The following RBFOX1 variants were observed in gnomAD, a reference collection of about 807,000 sequenced individuals.
RBFOX1 encodes RNA binding protein fox-1 homolog 1.
A neutral mutation model predicts 57.7 loss-of-function variants in RBFOX1; 8 were observed. The observed-to-expected ratio is 0.14, with a 90% confidence interval of 0.08 to 0.25. The LOEUF is 0.25. RBFOX1 is among the 10% of genes least tolerant of loss of function. The pLI, the probability that RBFOX1 is intolerant of heterozygous loss-of-function variation, is 1.00. For missense variants in RBFOX1, 611 were observed against 548.5 expected (o/e 1.11, Z -1.14); for synonymous variants, 326 against 222.4 (o/e 1.47, Z -4.15).
intron 3 of RBFOX1, among the ~76,000 whole-genome samples, chr16:6,906,248 C>CA (rs1555608863): frequency 6.6e-6 from 1 of 151,806 alleles, no homozygotes; most frequent in Admixed American, 6.6e-5. Context: ...TACCCCCCCC[C>CA]AAAATATACA....
intron 1 of RBFOX1, among the ~76,000 whole-genome samples, chr16:5,395,159 C>T (rs2066515566): frequency 6.6e-6 from 1 of 152,212 alleles, no homozygotes; most frequent in African/African-American, 2.4e-5. Context: ...GGCATGCCAG[C>T]ATCCCAGAGC....
chr16:5,781,705 C>T (rs968403563), intron 3 of RBFOX1, among the ~76,000 whole-genome samples: 4 of 152,298 alleles, frequency 2.6e-5, no homozygotes, highest in Non-Finnish European at 5.9e-5. Flanking sequence ...CTAGAATTGC[C>T]CTGTGGGCTA....
At chr16:5,614,683 C>G (rs979607810) in intron 3 of RBFOX1, among the ~76,000 whole-genome samples, 7 of 152,086 alleles carry the variant, frequency 4.6e-5, no homozygotes, top group Non-Finnish European at 8.8e-5. Flanking sequence ...CCACCCCTAC[C>G]CCCTGTACAT....
intron 4 of RBFOX1, among the ~76,000 whole-genome samples, chr16:7,247,717 C>G (rs536745785): frequency 1.3e-5 from 2 of 152,200 alleles, no homozygotes; most frequent in African/African-American, 2.4e-5. Context: ...AACATAGCCT[C>G]TTTAAATCCA....
chr16:7,709,171 T>TCC (rs752080903), intron 15 of RBFOX1, 40 bp downstream of exon 15: 4 of 1,542,754 alleles, frequency 2.6e-6, no homozygotes, highest in Admixed American at 1.7e-5. Flanking sequence ...TCCTCCTGCC[T>TCC]CCCTTCCCTT....
chr16:7,434,046 G>C (rs961321205), intron 4 of RBFOX1, among the ~76,000 whole-genome samples: 1 of 152,142 alleles, frequency 6.6e-6, no homozygotes, highest in African/African-American at 2.4e-5. Context: ...AAGCCTGAAT[G>C]ATCAGAAAGA....
At chr16:7,025,439 A>T (rs1056286854) in intron 3 of RBFOX1, among the ~76,000 whole-genome samples, 14 of 152,046 alleles carry the variant, frequency 9.2e-5, no homozygotes, top group African/African-American at 3.4e-4. Context: ...TTATCGTATG[A>T]CTTAGAATGC....
At chr16:7,419,925 CT>C (rs367626244) in intron 4 of RBFOX1, among the ~76,000 whole-genome samples, 1,947 of 101,728 alleles carry the variant, frequency 0.019, 15 homozygotes, top group Middle Eastern at 0.033. Flanking sequence ...TTCTTTCTTC[CT>C]TTTTTTTTTT....
At chr16:6,881,213 C>G (rs185857077) in intron 3 of RBFOX1, among the ~76,000 whole-genome samples, 113 of 152,278 alleles carry the variant, frequency 7.4e-4, no homozygotes, top group Non-Finnish European at 1.2e-3. Context: ...GGAGAATAGC[C>G]AGGAGTCTGA....
At chr16:6,877,530 A>G (rs1399382856) in intron 3 of RBFOX1, among the ~76,000 whole-genome samples, 1 of 152,200 alleles carries the variant, frequency 6.6e-6, no homozygotes, top group African/African-American at 2.4e-5. Flanking sequence ...ATCGACTCTC[A>G]GTGCTTGGAA....
At chr16:5,312,597 G>A (rs779936514) in intron 1 of RBFOX1, among the ~76,000 whole-genome samples, 1 of 152,200 alleles carries the variant, frequency 6.6e-6, no homozygotes, top group Non-Finnish European at 1.5e-5. Context: ...TTACAGGTGT[G>A]AGCCACCATG....
intron 3 of RBFOX1, among the ~76,000 whole-genome samples, chr16:6,857,037 T>C (rs144427639): frequency 6.6e-6 from 1 of 152,236 alleles, no homozygotes; most frequent in Admixed American, 6.5e-5. Context: ...TTACTGCAAA[T>C]CGTGTTCAAC....
At chr16:7,102,903 T>C (rs567148568) in intron 4 of RBFOX1, among the ~76,000 whole-genome samples, 5 of 152,104 alleles carry the variant, frequency 3.3e-5, no homozygotes, top group African/African-American at 1.2e-4. Flanking sequence ...TACAAGTATA[T>C]TGTGAGTATT....
At chr16:6,210,327 A>C (rs1474052433) in intron 1 of RBFOX1, among the ~76,000 whole-genome samples, 4 of 117,496 alleles carry the variant, frequency 3.4e-5, no homozygotes, top group Non-Finnish European at 3.6e-5. Flanking sequence ...GAAAAAAAAA[A>C]ACAAAAAAAC....
At chr16:5,899,812 A>C (rs2058263217) in intron 4 of RBFOX1, among the ~76,000 whole-genome samples, 1 of 152,160 alleles carries the variant, frequency 6.6e-6, no homozygotes. Context: ...GGTGGCTTAC[A>C]CCTGCAATCG....
At chr16:5,921,503 C>G (rs1348998698) in intron 4 of RBFOX1, among the ~76,000 whole-genome samples, 2 of 151,950 alleles carry the variant, frequency 1.3e-5, no homozygotes, top group Non-Finnish European at 2.9e-5. Flanking sequence ...ATGAGGGCAT[C>G]AAGATGAAAT....
chr16:6,205,389 C>G (rs774613842), intron 1 of RBFOX1, among the ~76,000 whole-genome samples: 3 of 152,186 alleles, frequency 2.0e-5, no homozygotes, highest in African/African-American at 4.8e-5. Context: ...TGAAATTGAA[C>G]AAGGTTGTCG....
chr16:6,625,579 G>C (rs7198257), intron 2 of RBFOX1, among the ~76,000 whole-genome samples: 148,996 of 152,284 alleles, frequency 0.98, 72,971 homozygotes, highest in East Asian at 1. Flanking sequence ...TACTCAGATG[G>C]TTCCTCCATT....
chr16:6,540,321 A>T (rs1005974340), intron 2 of RBFOX1, among the ~76,000 whole-genome samples: 6 of 151,226 alleles, frequency 4.0e-5, no homozygotes, highest in Admixed American at 2.6e-4. Context: ...AAAAAAAAAA[A>T]ACTCAACTCA....
Sources: gnomAD v4.1 joint callset for allele counts (sites outside exome capture counted in the v4.1 genomes callset) on GRCh38, gnomAD v4.1.1 for gene constraint, MANE v1.5 for transcripts, NCBI Gene and HGNC (gene_info 2026-07-23, HGNC 2026-07-21) for gene names.